Variants in HSPA12A observed in about 807,000 individuals in gnomAD.
The protein encoded by HSPA12A is heat shock 70 kDa protein 12A.
HSPA12A carries 28 observed loss-of-function variants against 69.2 expected under a neutral mutation model. That is an observed-to-expected ratio of 0.40 (90% CI 0.30 to 0.55). The LOEUF is 0.55. Among genes scored for constraint, HSPA12A ranks in the 20% least tolerant of loss-of-function variants. HSPA12A has a pLI of 0.38. For synonymous variants in HSPA12A, 345 were observed against 370.5 expected (o/e 0.93, Z 0.79); for missense variants, 686 against 900.7 (o/e 0.76, Z 3.05).
chr10:116,769,207 A>T, intron 2 of HSPA12A, among the ~76,000 whole-genome samples: 1 of 152,156 alleles, frequency 6.6e-6, no homozygotes, highest in South Asian at 2.1e-4. Context: ...CTGTGAGGTC[A>T]CTTGGACTCT....
chr10:116,849,397 C>A, intron 1 of HSPA12A: 2 of 888,528 alleles, frequency 2.3e-6, no homozygotes, highest in Non-Finnish European at 3.1e-6. Context: ...GCAGCGAGCG[C>A]AAATACCATC....
At chr10:116,766,944 C>A (rs535233083) in intron 2 of HSPA12A, among the ~76,000 whole-genome samples, 1 of 152,284 alleles carries the variant, frequency 6.6e-6, no homozygotes, top group Admixed American at 6.5e-5. Context: ...AAAGATCCAT[C>A]AGGCTGACAG....
At chr10:116,831,421 A>T (rs192361215) in intron 2 of HSPA12A, 1 of 152,376 alleles carries the variant, frequency 6.6e-6, no homozygotes, top group African/African-American at 2.4e-5. Flanking sequence ...GCCCTGTGGC[A>T]TGGAGCACCC....
chr10:116,774,226 G>C (rs1554890844), intron 2 of HSPA12A, among the ~76,000 whole-genome samples: 1 of 152,012 alleles, frequency 6.6e-6, no homozygotes, highest in East Asian at 1.9e-4. Flanking sequence ...AGCCGGGATG[G>C]TCTCGATCTC....
intron 2 of HSPA12A, among the ~76,000 whole-genome samples, chr10:116,805,116 A>G (rs1845041494): frequency 6.6e-6 from 1 of 152,164 alleles, no homozygotes; most frequent in Non-Finnish European, 1.5e-5. Context: ...GGAGATCCAG[A>G]CCATCCTGGC....
chr10:116,704,454 C>T (rs1426067732), intron 3 of HSPA12A, among the ~76,000 whole-genome samples: 1 of 151,620 alleles, frequency 6.6e-6, no homozygotes, highest in African/African-American at 2.4e-5. Context: ...ACACCAGGGA[C>T]TGTTGTGGGG....
intron 2 of HSPA12A, among the ~76,000 whole-genome samples, chr10:116,771,753 G>A (rs1320273375): frequency 2.6e-5 from 4 of 152,058 alleles, no homozygotes; most frequent in Non-Finnish European, 4.4e-5. Flanking sequence ...GCGCTTGCTT[G>A]TCAACCTACA....
chr10:116,697,231 C>A (rs1335375220), intron 5 of HSPA12A, among the ~76,000 whole-genome samples: 2 of 152,126 alleles, frequency 1.3e-5, no homozygotes, highest in Non-Finnish European at 2.9e-5. Flanking sequence ...CTGAAGTTCC[C>A]AAATCTTTTT....
chr10:116,795,040 G>A (rs1844787582), intron 2 of HSPA12A, among the ~76,000 whole-genome samples: 1 of 152,120 alleles, frequency 6.6e-6, no homozygotes, highest in Non-Finnish European at 1.5e-5. Flanking sequence ...AATAAAAATA[G>A]AAAGGCTGAA....
upstream of HSPA12A, chr10:116,849,803 G>C (rs1846010909): frequency 2.9e-5 from 41 of 1,408,374 alleles, no homozygotes; most frequent in Non-Finnish European, 3.8e-5. Flanking sequence ...GCAACGCCTT[G>C]CGCCTGCGCC....
At chr10:116,753,998 G>A (rs1843765326) in intron 2 of HSPA12A, among the ~76,000 whole-genome samples, 1 of 152,232 alleles carries the variant, frequency 6.6e-6, no homozygotes, top group Admixed American at 6.5e-5. Context: ...CCAGCCTCAT[G>A]CCAGGGCAGG....
chr10:116,743,080 C>A (rs12245413), upstream of HSPA12A, among the ~76,000 whole-genome samples: 2 of 151,216 alleles, frequency 1.3e-5, no homozygotes, highest in Non-Finnish European at 3.0e-5. Flanking sequence ...AGGACCCAGG[C>A]CGCAGACCAA....
At chr10:116,779,575 G>A (rs1246974846) in intron 2 of HSPA12A, among the ~76,000 whole-genome samples, 1 of 152,192 alleles carries the variant, frequency 6.6e-6, no homozygotes, top group African/African-American at 2.4e-5. Flanking sequence ...GGTTGCAGGT[G>A]GAGGCTACTC....
At chr10:116,822,035 G>A (rs1845416001) in intron 2 of HSPA12A, among the ~76,000 whole-genome samples, 1 of 152,248 alleles carries the variant, frequency 6.6e-6, no homozygotes, top group South Asian at 2.1e-4. Flanking sequence ...ATCTTTTGGT[G>A]TTCGCTAAGG....
chr10:116,813,717 C>T (rs1323958555), intron 2 of HSPA12A, among the ~76,000 whole-genome samples: 1 of 150,420 alleles, frequency 6.6e-6, no homozygotes, highest in Non-Finnish European at 1.5e-5. Flanking sequence ...TCCCTCTCTA[C>T]AAAAAAAAAT....
intron 1 of HSPA12A, among the ~76,000 whole-genome samples, chr10:116,735,687 G>A (rs1554886383): frequency 6.6e-6 from 1 of 152,082 alleles, no homozygotes; most frequent in Non-Finnish European, 1.5e-5. Flanking sequence ...CCTGCCCAGA[G>A]AATCATAAGC....
chr10:116,742,179 G>A (rs1851530185), intron 1 of HSPA12A, among the ~76,000 whole-genome samples: 1 of 151,936 alleles, frequency 6.6e-6, no homozygotes, highest in South Asian at 2.1e-4. Context: ...AGCGGGGGCT[G>A]CAGTCCCCGC....
At chr10:116,684,060 T>TGATA in intron 6 of HSPA12A, 98 bp from the exon 7 acceptor site, 2 of 1,004,724 alleles carry the variant, frequency 2.0e-6, no homozygotes, top group Non-Finnish European at 2.8e-6. Flanking sequence ...GAGGGCGCAC[T>TGATA]CGTGCTCTGC....
At chr10:116,701,206 C>A in intron 3 of HSPA12A, 77 bp from the exon 4 acceptor site, 2 of 1,388,426 alleles carry the variant, frequency 1.4e-6, no homozygotes. Context: ...TGAACACCTA[C>A]TGTATGCATG....
Sources: gnomAD v4.1 joint callset for allele counts (sites outside exome capture counted in the v4.1 genomes callset) on GRCh38, gnomAD v4.1.1 for gene constraint, MANE v1.5 for transcripts, NCBI Gene and HGNC (gene_info 2026-07-23, HGNC 2026-07-21) for gene names.